Variants in KIF1B observed in about 807,000 individuals in gnomAD.
KIF1B encodes kinesin-like protein KIF1B.
Under a neutral mutation model 241.9 loss-of-function variants are expected in KIF1B, and 76 were observed. The ratio of observed to expected loss-of-function variants is 0.31; its 90% confidence interval spans 0.26 to 0.38. The LOEUF (loss-of-function observed/expected upper bound fraction) is 0.38. Ranked by LOEUF, KIF1B falls within the 10% of genes least tolerant of loss-of-function variation. The pLI is 1.00. For missense variants in KIF1B, 1,622 were observed against 2,271.4 expected (o/e 0.71, Z 5.81); for synonymous variants, 750 against 796.7 (o/e 0.94, Z 0.99).
chr1:10,221,578 C>T (rs1049896532), intron 1 of KIF1B, among the ~76,000 whole-genome samples: 1 of 151,994 alleles, frequency 6.6e-6, no homozygotes, highest in East Asian at 1.9e-4. Flanking sequence ...GTGTTAGGTC[C>T]GAAAACCTGC....
At chr1:10,238,008 C>A (rs896701799) in intron 2 of KIF1B, among the ~76,000 whole-genome samples, 1 of 151,554 alleles carries the variant, frequency 6.6e-6, no homozygotes, top group Non-Finnish European at 1.5e-5. Context: ...GACACTGTTT[C>A]AGGAAAAAAG....
chr1:10,335,158 T>G (rs1652118308), intron 28 of KIF1B, among the ~76,000 whole-genome samples: 1 of 152,184 alleles, frequency 6.6e-6, no homozygotes, highest in Non-Finnish European at 1.5e-5. Flanking sequence ...CCCAGCATAG[T>G]CTCGATCGAA....
At chr1:10,369,015 A>G (rs1638650030) in intron 44 of KIF1B, among the ~76,000 whole-genome samples, 1 of 151,786 alleles carries the variant, frequency 6.6e-6, no homozygotes, top group Non-Finnish European at 1.5e-5. Context: ...CACACCTACT[A>G]TTTCTTTGCC....
chr1:10,305,012 T>TA (rs1650758537), intron 22 of KIF1B: 1 of 1,117,342 alleles, frequency 8.9e-7, no homozygotes. Context: ...ACCTGCCTCT[T>TA]AGTTTATGCA....
intron 2 of KIF1B, 90 bp downstream of exon 2, chr1:10,232,524 C>A: frequency 1.1e-6 from 1 of 901,690 alleles, no homozygotes; most frequent in Non-Finnish European, 1.8e-6. Flanking sequence ...AGATGAACAT[C>A]TGTATGTTAA....
At chr1:10,270,397 A>G (rs183595424) in intron 7 of KIF1B, among the ~76,000 whole-genome samples, 19 of 152,176 alleles carry the variant, frequency 1.2e-4, no homozygotes, top group Non-Finnish European at 2.2e-4. Context: ...AGATTCATCT[A>G]TGTTGTTGTG....
chr1:10,286,496 G>T (rs1649722430), intron 15 of KIF1B, among the ~76,000 whole-genome samples: 1 of 152,226 alleles, frequency 6.6e-6, no homozygotes, highest in African/African-American at 2.4e-5. Flanking sequence ...CAAATGCTGT[G>T]CTAAGCAGCC....
chr1:10,254,001 C>A (rs909598874), intron 2 of KIF1B, among the ~76,000 whole-genome samples: 3 of 152,196 alleles, frequency 2.0e-5, no homozygotes, highest in Admixed American at 6.5e-5. Flanking sequence ...ATCCTGATCT[C>A]ACTGATAGCC....
rs1012611406 is a variant in KIF1B, at chr1:10,379,758, C to G, written c.*3171C>G. ...TTTCTCCCATCAAAGCAAAATATGGCCTCACCACCAGCCCCAAATCAGTGC... is the reference window on the plus strand; with the variant it reads ...TTTCTCCCATCAAAGCAAAATATGGGCTCACCACCAGCCCCAAATCAGTGC... On this transcript the variant is annotated 3_prime_UTR_variant, in exon 49 of 49. Transcript: ENST00000676179. 8.7e-6 allele frequency: 2 copies of G among 230,622 alleles called. No individual in the cohort carries two copies. 14.3% of individuals were successfully genotyped at this position (230,622 alleles called of 1,614,324 possible). A position where few individuals can be genotyped will look rare whatever the true frequency, so the allele number is the denominator to read the frequency against.
intron 15 of KIF1B, among the ~76,000 whole-genome samples, chr1:10,284,064 A>C (rs79611886): frequency 0.019 from 2,854 of 152,202 alleles, 41 homozygotes; most frequent in Non-Finnish European, 0.028. Flanking sequence ...TTCCCTTGAC[A>C]TTTTACTTAC....
chr1:10,297,495 T>C (rs1650327550), intron 22 of KIF1B, among the ~76,000 whole-genome samples: 1 of 152,232 alleles, frequency 6.6e-6, no homozygotes, highest in African/African-American at 2.4e-5. Flanking sequence ...TACAACCAAA[T>C]ACTTTTTAAG....
intron 22 of KIF1B, chr1:10,308,341 T>A: frequency 9.5e-7 from 1 of 1,054,202 alleles, no homozygotes; most frequent in Non-Finnish European, 1.1e-6. Flanking sequence ...TTTTAAAATC[T>A]GTTCTAGATA....
chr1:10,299,136 ATAAC>A (rs1650418491), intron 22 of KIF1B: 1 of 152,184 alleles, frequency 6.6e-6, no homozygotes, highest in Non-Finnish European at 1.5e-5. Context: ...AAAAAAAAGA[ATAAC>A]TAAGCACGGC....
At chr1:10,261,675 T>C (rs1033190898) in intron 4 of KIF1B, among the ~76,000 whole-genome samples, 4 of 152,238 alleles carry the variant, frequency 2.6e-5, no homozygotes, top group African/African-American at 9.6e-5. Context: ...AGCTTTCTTA[T>C]AATCTTATGG....
At chr1:10,332,653 C>T (rs1395002412) in intron 27 of KIF1B, among the ~76,000 whole-genome samples, 1 of 149,596 alleles carries the variant, frequency 6.7e-6, no homozygotes, top group Non-Finnish European at 1.5e-5. Context: ...GTAGCTGGGA[C>T]TACAGGCGCC....
Position 10,324,077 on chromosome 1 carries a change from A to G in KIF1B, c.2537+15A>G, listed in dbSNP as rs757030966. The G allele has an allele frequency of 6.2e-6, 10 of 1,613,382 alleles. No homozygotes were observed. The highest frequency in any genetic ancestry group is 8.5e-6 in the Non-Finnish European group (10 of 1,179,568). On this transcript the variant is annotated intron_variant, in intron 25 of 48. Coordinates refer to ENST00000676179, the MANE Select transcript of KIF1B (RefSeq NM_001365951.3). ...GAGAAACTCAAGTATGAAAACATTC[A>G]TAAAGGCTGGTTGTTTTATTTAGGA... is the stretch of plus-strand genomic sequence containing the variant.
At chr1:10,352,791 C>A in intron 38 of KIF1B, 55 bp downstream of exon 38, 1 of 1,248,770 alleles carries the variant, frequency 8.0e-7, no homozygotes. Flanking sequence ...TTAATTGGTA[C>A]ACCGTTAGGT....
chr1:10,336,294 G>A (rs1652173729), intron 28 of KIF1B, among the ~76,000 whole-genome samples: 1 of 152,118 alleles, frequency 6.6e-6, no homozygotes, highest in South Asian at 2.1e-4. Flanking sequence ...GATTACAGGT[G>A]CCCGCCACCA....
At chr1:10,295,796 C>T (rs1650234543) in intron 19 of KIF1B, 30 bp downstream of exon 19, 1 of 1,528,460 alleles carries the variant, frequency 6.5e-7, no homozygotes, top group African/African-American at 1.4e-5. Flanking sequence ...GCTTCAGCAA[C>T]AACATTTTCA....
Sources: allele counts gnomAD v4.1 joint callset (sites outside exome capture counted in the v4.1 genomes callset), GRCh38; gene constraint gnomAD v4.1.1; transcripts MANE v1.5; gene names NCBI Gene and HGNC (gene_info 2026-07-23, HGNC 2026-07-21).